Variants in ANKZF1 observed in about 807,000 individuals in gnomAD.
ANKZF1 encodes ankyrin repeat and zinc finger peptidyl tRNA hydrolase 1.
In ANKZF1, 84 loss-of-function variants were observed where a neutral mutation model predicts 86.0. That is an observed-to-expected ratio of 0.98 (90% confidence interval 0.82 to 1.17). The LOEUF (loss-of-function observed/expected upper bound fraction) is 1.17. Ranked by LOEUF, ANKZF1 falls within the 50% of genes most tolerant of loss-of-function variation. ANKZF1 has a pLI of 0.00. For missense variants in ANKZF1, 893 were observed against 918.4 expected (o/e 0.97, Z 0.36); for synonymous variants, 331 against 354.2 (o/e 0.93, Z 0.74).
Position 219,232,658 on chromosome 2 carries a change from A to G in ANKZF1, c.533A>G (p.Tyr178Cys), listed in dbSNP as rs373676341. 11 of 1,614,136 alleles carry G rather than the reference A, an allele frequency of 6.8e-6. No homozygotes were observed. The highest frequency in any genetic ancestry group is 6.7e-5 in the African/African-American group (5 of 75,046). ...GCCCAGGGCCAGTTTCTTTATGCCT[A>G]CCGCTGTGTCCTAGGCCCTCATCAG... ...QNAQGQFLYA[Y>C]RCVLGPHQDP... is the part of the protein sequence containing the mutation. The change falls in exon 5 of 14, where the codon TAC becomes TGC. Residue 178 changes from tyrosine (Y) to cysteine (C), a missense_variant. Tyr to Cys is a radical substitution (Grantham distance 194). Transcript: ENST00000323348.
rs1951156090 is a variant in ANKZF1, at chr2:219,234,846, G to T, written c.1225G>T (p.Asp409Tyr). 1.2e-6 allele frequency: 2 copies of T among 1,612,314 alleles called. No homozygotes were observed. The highest frequency in any genetic ancestry group is 1.3e-5 in the African/African-American group (1 of 74,836). Residue 409 changes from aspartate (D) to tyrosine (Y), a missense_variant, in exon 10 of 14, where the codon GAT (aspartate) becomes TAT (tyrosine). Asp to Tyr is a radical substitution (Grantham distance 160). Transcript: ENST00000323348. ...CCTAGGTTCAGGGTCGGAGGGAGAA[G>T]ATGGCTTTCAGGTAGAGTTGGAGCT... ...PKQGSGSEGEDGFQVELELVE... is the reference protein window; with the variant it reads ...PKQGSGSEGEYGFQVELELVE...
intron 5 of ANKZF1, 180 bp downstream of exon 5, chr2:219,232,863 G>C: frequency 2.3e-6 from 2 of 862,060 alleles, no homozygotes; most frequent in Non-Finnish European, 3.5e-6. Context: ...AAGTGTAATG[G>C]AATTAAGTTT....
intron 10 of ANKZF1, 44 bp downstream of exon 10, chr2:219,235,356 G>A (rs774319317): frequency 1.9e-6 from 3 of 1,596,766 alleles, no homozygotes; most frequent in Admixed American, 3.4e-5. Context: ...GTATAGAGAG[G>A]ATAATTTGGA....
In ANKZF1 at chr2:219,234,190, TAA is replaced by T. The variant is rs750553376; in HGVS notation, c.1107_1108del (p.Glu371GlyfsTer7). On this transcript the variant is annotated frameshift_variant, in exon 9 of 14. Coordinates refer to ENST00000323348, the MANE Select transcript of ANKZF1 (RefSeq NM_018089.3). LOFTEE classifies it high-confidence loss of function. ...TCACCTCAGACACACTGGAAAACAG[TAA>T]GAGAGGAGAGAAAGAAGCCTACTGA... is the stretch of plus-strand genomic sequence containing the variant. The T allele has an allele frequency of 6.2e-6, 10 of 1,613,880 alleles. No individual in the cohort carries two copies. The highest frequency in any genetic ancestry group is 1.1e-5 in the South Asian group (1 of 91,074).
intron 5 of ANKZF1, 105 bp downstream of exon 5, chr2:219,232,788 G>T: frequency 7.9e-7 from 1 of 1,267,972 alleles, no homozygotes. Flanking sequence ...CCTTCCTGTT[G>T]GTTGTGGGTA....
rs372463215 is a variant in ANKZF1, at chr2:219,232,549, C to T, written c.424C>T (p.Gln142Ter). 1 of 1,614,110 alleles carries T rather than the reference C, an allele frequency of 6.2e-7. No individual in the cohort carries two copies. Among genetic ancestry groups the T allele is most frequent in the African/African-American group, 1.3e-5 (1 of 74,932 alleles). Residue 142 changes from glutamine (Q) to a stop codon, truncating the protein, a stop_gained, in exon 5 of 14, where the codon CAG (glutamine) becomes TAG (stop). Transcript: ENST00000323348. LOFTEE classifies it high-confidence loss of function. ...DSDSASEEDL[Q>*]TLDRERATFE... The stretch of plus-strand genomic sequence containing the variant: ...AGACTCAGCCAGTGAGGAGGACTTG[C>T]AGACACTGGATCGGGAGAGGGCTAC...
Position 219,232,376 on chromosome 2 carries a change from G to A in ANKZF1, c.364+14G>A, listed in dbSNP as rs1193646254. The A allele has an allele frequency of 1.9e-6, 3 of 1,613,668 alleles. No homozygotes were observed. The highest frequency in any genetic ancestry group is 1.1e-5 in the South Asian group (1 of 91,068). ...AGAGCTCCACAGGTGATGAGTGGTA[G>A]GGGGACCTATGTAGGAGTAGGACAT... On this transcript the variant is annotated intron_variant, in intron 4 of 13. Transcript: ENST00000323348.
Position 219,233,412 on chromosome 2 carries a change from C to T in ANKZF1, c.798C>T (p.Tyr266=), listed in dbSNP as rs1559254984. Residue 266 remains tyrosine, a synonymous_variant, in exon 7 of 14, where the codon TAC becomes TAT. Coordinates refer to ENST00000323348, the MANE Select transcript of ANKZF1 (RefSeq NM_018089.3). ...SHSAGANLRR[Y]NEATLYKDVR... is the part of the protein sequence containing the mutation. ...CTGCTGGAGCCAACCTGAGGCGCTA[C>T]AATGAAGCCACACTATATAAGGTGA... is the stretch of plus-strand genomic sequence containing the variant. The T allele has an allele frequency of 1.2e-6, 2 of 1,613,274 alleles. No individual in the cohort carries two copies. The highest frequency in any genetic ancestry group is 1.7e-6 in the Non-Finnish European group (2 of 1,179,564).
intron 5 of ANKZF1, 103 bp from the exon 6 acceptor site, chr2:219,232,974 CAG>C: frequency 8.9e-7 from 1 of 1,120,058 alleles, no homozygotes. Context: ...AAACAAGCCT[CAG>C]GGTGGTAATA....
chr2:219,236,490 C>T lies in ANKZF1; in HGVS notation c.*45C>T, dbSNP rs1185680899. ...GGGCCAACTCAGGGACCTGAGAGGGCACATTCACAGCAGCCCTAGGTTTTT... is the reference window on the plus strand; with the variant it reads ...GGGCCAACTCAGGGACCTGAGAGGGTACATTCACAGCAGCCCTAGGTTTTT... On this transcript the variant is annotated 3_prime_UTR_variant, in exon 14 of 14. Coordinates refer to ENST00000323348, the MANE Select transcript of ANKZF1 (RefSeq NM_018089.3). 4.6e-6 allele frequency: 7 copies of T among 1,525,794 alleles called. No individual in the cohort carries two copies. Among genetic ancestry groups the T allele is most frequent in the Non-Finnish European group, 6.1e-6 (7 of 1,138,668 alleles). The allele number at this position is 1,525,794 out of a possible 1,614,324, so 94.5% of individuals were successfully genotyped here.
At position 219,235,504 on chromosome 2, in the gene ANKZF1, T is replaced by TGCG. The variant is rs1951184891; in HGVS notation, c.1725_1727dup (p.Ala576dup). On this transcript the variant is annotated inframe_insertion, in exon 11 of 14. Coordinates refer to ENST00000323348, the MANE Select transcript of ANKZF1 (RefSeq NM_018089.3). ...CTCGGGCCCGGCCACCTTATACTGT[T>TGCG]GCGGCTGACAAATCAACACGTAATG... 6.2e-7 allele frequency: 1 copy of TGCG among 1,613,892 alleles called. No homozygotes were observed.
chr2:219,234,454 T>C (rs1164341877), intron 9 of ANKZF1, 166 bp downstream of exon 9: 2 of 913,552 alleles, frequency 2.2e-6, no homozygotes, highest in South Asian at 1.5e-5. Flanking sequence ...AAATCTATTA[T>C]CTCTTTTGTT....
chr2:219,234,835 C>A lies in ANKZF1; in HGVS notation c.1214C>A (p.Ser405Ter), dbSNP rs200734099. The A allele has an allele frequency of 6.2e-7, 1 of 1,610,384 alleles. No homozygotes were observed. The highest frequency in any genetic ancestry group is 2.2e-5 in the East Asian group (1 of 44,842). The change falls in exon 10 of 14, where the codon TCG (serine) becomes TAG (stop). Residue 405 changes from serine to a stop codon, truncating the protein, a stop_gained. Coordinates refer to ENST00000323348, the MANE Select transcript of ANKZF1 (RefSeq NM_018089.3). LOFTEE classifies it high-confidence loss of function. Reference sequence around the variant, plus strand: ...TCAGGTTTTTCCCTAGGTTCAGGGTCGGAGGGAGAAGATGGCTTTCAGGTA... The same window carrying A: ...TCAGGTTTTTCCCTAGGTTCAGGGTAGGAGGGAGAAGATGGCTTTCAGGTA... ...NEESPKQGSG[S>*]EGEDGFQVEL...
intron 7 of ANKZF1, 103 bp from the exon 8 acceptor site, chr2:219,233,612 C>G: frequency 2.1e-6 from 3 of 1,417,780 alleles, no homozygotes; most frequent in Admixed American, 2.2e-5. Context: ...TCCGTGTTAT[C>G]CTCTACTTTC....
At chr2:219,232,734 G>A in intron 5 of ANKZF1, 51 bp downstream of exon 5, 9 of 1,567,774 alleles carry the variant, frequency 5.7e-6, no homozygotes, top group South Asian at 2.3e-5. Context: ...TGTACACCCA[G>A]CCTAGATTTC....
chr2:219,233,832 C>A lies in ANKZF1; in HGVS notation c.937C>A (p.Pro313Thr). Residue 313 changes from proline (P) to threonine (T), a missense_variant, in exon 8 of 14, where the codon CCC (proline) becomes ACC (threonine). Pro to Thr is a conservative substitution (Grantham distance 38, BLOSUM62 -1). Coordinates refer to ENST00000323348, the MANE Select transcript of ANKZF1 (RefSeq NM_018089.3). ...RSLFFGGKGA[P>T]LQRGDPRLWD... ...TTTGTTCTTTGGAGGCAAGGGAGCA[C>A]CCCTGCAAAGGGGGGATCCCCGACT... 6.2e-7 allele frequency: 1 copy of A among 1,613,998 alleles called. No homozygotes were observed. Among genetic ancestry groups the A allele is most frequent in the Non-Finnish European group, 8.5e-7 (1 of 1,179,950 alleles).
intron 2 of ANKZF1, 74 bp from the exon 3 acceptor site, chr2:219,231,852 TCA>T (rs953767288): frequency 4.1e-6 from 5 of 1,227,912 alleles, no homozygotes; most frequent in African/African-American, 1.5e-5. Context: ...GCTTTGTATA[TCA>T]CACTCTGAAT....
At position 219,232,798 on chromosome 2, in the gene ANKZF1, A is replaced by G. The variant is rs567591383; in HGVS notation, c.558+115A>G. On this transcript the variant is annotated intron_variant, in intron 5 of 13. Coordinates refer to ENST00000323348, the MANE Select transcript of ANKZF1 (RefSeq NM_018089.3). ...CTCTTCCTTCCTGTTGGTTGTGGGTATCACGCTTGACAACATAGTCTTGAA... is the reference window on the plus strand; with the variant it reads ...CTCTTCCTTCCTGTTGGTTGTGGGTGTCACGCTTGACAACATAGTCTTGAA... The G allele has an allele frequency of 4.3e-5, 50 of 1,168,968 alleles. No homozygotes were observed. The East Asian group carries it at 1.2e-3, about 27-fold the overall frequency. The allele number at this position is 1,168,968 out of a possible 1,614,324, so 72.4% of individuals were successfully genotyped here.
intron 2 of ANKZF1, chr2:219,230,827 C>T (rs1055274433): frequency 3.9e-5 from 6 of 153,894 alleles, no homozygotes; most frequent in African/African-American, 1.4e-4. Context: ...CAATCTCCGT[C>T]TCCCGGGTTC....
Sources: allele counts gnomAD v4.1 joint callset, GRCh38; gene constraint gnomAD v4.1.1; transcripts MANE v1.5; gene names NCBI Gene and HGNC (gene_info 2026-07-23, HGNC 2026-07-21).